UBE2G1: variants seen among roughly 807,000 people sequenced by gnomAD.
UBE2G1 encodes ubiquitin conjugating enzyme E2 G1.
A neutral mutation model predicts 22.7 loss-of-function variants in UBE2G1; 5 were observed. That is an observed-to-expected ratio of 0.22 (90% confidence interval 0.12 to 0.46). The LOEUF is 0.46. Ranked by LOEUF, UBE2G1 falls within the 20% of genes least tolerant of loss-of-function variation. The probability of loss-of-function intolerance (pLI) is 0.99; values close to 1 mark genes in which losing one functional copy is unlikely to be tolerated. For synonymous variants in UBE2G1, 74 were observed against 67.5 expected, an observed-to-expected ratio of 1.10 and a Z score of -0.47; for missense variants, 88 against 203.9, an observed-to-expected ratio of 0.43 and a Z score of 3.46.
At chr17:4,361,023 G>C (rs1440062257) in intron 1 of UBE2G1, among the ~76,000 whole-genome samples, 3 of 152,156 alleles carry the variant, frequency 2.0e-5, no homozygotes, top group South Asian at 4.1e-4. Context: ...AGGAGTTCAA[G>C]ATCGGCCTGG....
intron 2 of UBE2G1, among the ~76,000 whole-genome samples, chr17:4,303,548 C>T (rs1969212176): frequency 6.8e-6 from 1 of 146,878 alleles, no homozygotes; most frequent in South Asian, 2.2e-4. Flanking sequence ...AGAGAGCTAA[C>T]CAAAGGCAGT....
At chr17:4,366,180 T>C in intron 1 of UBE2G1, 91 bp downstream of exon 1, 1 of 1,376,274 alleles carries the variant, frequency 7.3e-7, no homozygotes, top group Non-Finnish European at 9.5e-7. Flanking sequence ...CCTTCGGCAG[T>C]ACGGCCGCTG....
Position 4,325,703 on chromosome 17 carries a change from T to C in UBE2G1, c.47-18580A>G, listed in dbSNP as rs147043835. Among the ~76,000 whole-genome samples the C allele has an allele frequency of 1.7e-3, 253 of 152,330 alleles. 1 individual carries two copies. Among genetic ancestry groups the C allele is most frequent in the Admixed American group, 3.2e-3 (49 of 15,292 alleles). ...ACAAAGTTGGAGAACTCACATGTCCTGATTCCAAGGCTTACTACAAAACGA... is the reference window on the plus strand; with the variant it reads ...ACAAAGTTGGAGAACTCACATGTCCCGATTCCAAGGCTTACTACAAAACGA... On this transcript the variant is annotated intron_variant, in intron 1 of 5. Transcript: ENST00000396981.
intron 5 of UBE2G1, among the ~76,000 whole-genome samples, chr17:4,274,665 G>A (rs1002227211): frequency 2.6e-5 from 4 of 152,160 alleles, no homozygotes; most frequent in African/African-American, 9.7e-5. Context: ...CCTTAGCAAA[G>A]CATGAAATGT....
intron 1 of UBE2G1, among the ~76,000 whole-genome samples, chr17:4,353,000 C>G (rs1490299486): frequency 6.6e-6 from 1 of 152,040 alleles, no homozygotes; most frequent in Non-Finnish European, 1.5e-5. Flanking sequence ...GGACGGATCA[C>G]GAGGTCAGGA....
intron 4 of UBE2G1, among the ~76,000 whole-genome samples, chr17:4,287,774 G>T (rs951107175): frequency 7.2e-5 from 11 of 151,996 alleles, no homozygotes; most frequent in African/African-American, 2.4e-4. Flanking sequence ...CAAAGAAGGA[G>T]AGAAGGCTAA....
Position 4,270,820 on chromosome 17 carries a change from T to C in UBE2G1, c.*1734A>G, listed in dbSNP as rs1968748748. 1 of 152,296 alleles carries C rather than the reference T, an allele frequency of 6.6e-6. No homozygotes were observed. Among genetic ancestry groups the C allele is most frequent in the East Asian group, 1.9e-4 (1 of 5,188 alleles). The allele number at this position is 152,296 out of a possible 1,614,324, so 9.4% of individuals were successfully genotyped here. A position where few individuals can be genotyped will look rare whatever the true frequency, so the allele number is the denominator to read the frequency against. ...ACAGGGACTTAGAAAAAAATCACTC[T>C]CTACTGTGACTACATCCTCAACCAT... On this transcript the variant is annotated 3_prime_UTR_variant, in exon 6 of 6. Transcript: ENST00000396981.
At chr17:4,364,584 G>T (rs1217578077) in intron 1 of UBE2G1, 1 of 147,524 alleles carries the variant, frequency 6.8e-6, no homozygotes, top group Admixed American at 6.8e-5. Flanking sequence ...CACCGCGCCC[G>T]GCCCTTCTTT....
intron 1 of UBE2G1, among the ~76,000 whole-genome samples, chr17:4,307,820 G>A (rs1969264830): frequency 6.6e-6 from 1 of 152,156 alleles, no homozygotes; most frequent in Non-Finnish European, 1.5e-5. Flanking sequence ...GAGTGCTGTG[G>A]CATGGAGAAA....
intron 1 of UBE2G1, among the ~76,000 whole-genome samples, chr17:4,344,697 C>T (rs1408238191): frequency 6.6e-6 from 1 of 151,498 alleles, no homozygotes; most frequent in Non-Finnish European, 1.5e-5. Context: ...AAAAAATAAA[C>T]ATAAAACTTA....
chr17:4,285,795 C>CA (rs1478417039), intron 4 of UBE2G1, among the ~76,000 whole-genome samples: 3 of 151,852 alleles, frequency 2.0e-5, no homozygotes, highest in South Asian at 2.1e-4. Flanking sequence ...ACTAAAAATA[C>CA]AAAAAAATAG....
chr17:4,316,912 C>CTTGGA (rs1280275309), intron 1 of UBE2G1, among the ~76,000 whole-genome samples: 1 of 138,802 alleles, frequency 7.2e-6, no homozygotes, highest in Non-Finnish European at 1.5e-5. Flanking sequence ...TGCACTCCAG[C>CTTGGA]TTGGAGCAAG....
chr17:4,360,393 T>C (rs1033954370), intron 1 of UBE2G1, among the ~76,000 whole-genome samples: 1 of 152,166 alleles, frequency 6.6e-6, no homozygotes, highest in Non-Finnish European at 1.5e-5. Context: ...AAAATTGTAC[T>C]GAAGTACCCA....
At chr17:4,353,069 T>C (rs1411226913) in intron 1 of UBE2G1, among the ~76,000 whole-genome samples, 1 of 151,938 alleles carries the variant, frequency 6.6e-6, no homozygotes, top group South Asian at 2.1e-4. Context: ...ATACAAAAAA[T>C]TAGCCAGGTG....
At chr17:4,330,987 C>T (rs1028387626) in intron 1 of UBE2G1, among the ~76,000 whole-genome samples, 3 of 151,026 alleles carry the variant, frequency 2.0e-5, no homozygotes, top group South Asian at 2.1e-4. Flanking sequence ...CACACACACA[C>T]ACACACACAC....
At chr17:4,356,013 T>A (rs1969902162) in intron 1 of UBE2G1, among the ~76,000 whole-genome samples, 1 of 147,652 alleles carries the variant, frequency 6.8e-6, no homozygotes, top group South Asian at 2.2e-4. Context: ...TAGCCAGTCT[T>A]TATTCCTTTA....
rs373081467 is a variant in UBE2G1 at position 4,316,765 on chromosome 17, G to A, written c.47-9642C>T. Among the ~76,000 whole-genome samples the A allele has an allele frequency of 5.3e-5, 8 of 151,772 alleles. No homozygotes were observed. The East Asian group carries it at 7.7e-4, about 15-fold the overall frequency. On this transcript the variant is annotated intron_variant, in intron 1 of 5. Coordinates refer to ENST00000396981, the MANE Select transcript of UBE2G1 (RefSeq NM_003342.5). ...TTTGGGAGGTCAAGGTGGGAGGATC[G>A]CTTAAGGGCAGGAGTTCAAGACCAG...
intron 4 of UBE2G1, among the ~76,000 whole-genome samples, chr17:4,285,792 A>C (rs529917978): frequency 6.2e-4 from 95 of 152,168 alleles, no homozygotes; most frequent in African/African-American, 2.2e-3. Context: ...TCTACTAAAA[A>C]TACAAAAAAA....
chr17:4,341,639 C>T (rs192411082), intron 1 of UBE2G1, among the ~76,000 whole-genome samples: 12 of 152,270 alleles, frequency 7.9e-5, no homozygotes, highest in Admixed American at 2.0e-4. Context: ...AGTTACTGCA[C>T]CATTTCTCAA....
Sources: allele counts gnomAD v4.1 joint callset (sites outside exome capture counted in the v4.1 genomes callset), GRCh38; gene constraint gnomAD v4.1.1; transcripts MANE v1.5; gene names NCBI Gene and HGNC (gene_info 2026-07-23, HGNC 2026-07-21).